The following SPTLC3 variants were observed in gnomAD, a reference collection of about 807,000 sequenced individuals.
SPTLC3 encodes serine palmitoyltransferase 3.
In SPTLC3, 36 loss-of-function variants were observed where a neutral mutation model predicts 59.3. The observed-to-expected ratio is 0.61, with a 90% CI of 0.47 to 0.80. SPTLC3 has a LOEUF of 0.80. SPTLC3 is among the 30% of genes least tolerant of loss of function. The probability of loss-of-function intolerance (pLI) is 0.00; values close to 1 mark genes in which losing one functional copy is unlikely to be tolerated. For synonymous variants in SPTLC3, 257 were observed against 240.8 expected (o/e 1.07, Z -0.62); for missense variants, 625 against 685.1 (o/e 0.91, Z 0.98).
intron 1 of SPTLC3, among the ~76,000 whole-genome samples, chr20:13,046,320 G>A (rs1600228546): frequency 6.6e-6 from 1 of 152,130 alleles, no homozygotes; most frequent in South Asian, 2.1e-4. Context: ...ATTTATGCAG[G>A]CAATCACCAC....
chr20:13,071,469 T>G (rs763271872), intron 2 of SPTLC3, among the ~76,000 whole-genome samples: 1 of 152,220 alleles, frequency 6.6e-6, no homozygotes, highest in African/African-American at 2.4e-5. Context: ...GATTTTGATG[T>G]TAGTTCTATT....
At chr20:13,120,559 G>A (rs1990846108) in intron 8 of SPTLC3, among the ~76,000 whole-genome samples, 1 of 152,108 alleles carries the variant, frequency 6.6e-6, no homozygotes, top group Admixed American at 6.5e-5. Flanking sequence ...GGTATAGAGG[G>A]GCTGCATTCC....
At chr20:13,116,071 C>T (rs898162776) in intron 7 of SPTLC3, among the ~76,000 whole-genome samples, 4 of 152,130 alleles carry the variant, frequency 2.6e-5, no homozygotes, top group Non-Finnish European at 5.9e-5. Context: ...AATCTGAACT[C>T]GGCCATCCAA....
At chr20:13,132,246 G>A (rs896260796) in intron 9 of SPTLC3, among the ~76,000 whole-genome samples, 6 of 142,070 alleles carry the variant, frequency 4.2e-5, no homozygotes, top group Admixed American at 2.3e-4. Context: ...GTGCCATCTC[G>A]GCTCACTGCA....
chr20:13,022,907 G>A (rs148469865), intron 1 of SPTLC3, among the ~76,000 whole-genome samples: 8 of 152,000 alleles, frequency 5.3e-5, no homozygotes, highest in Non-Finnish European at 8.8e-5. Context: ...TACTTACCAC[G>A]ACCATAAGGC....
intron 9 of SPTLC3, among the ~76,000 whole-genome samples, chr20:13,145,602 A>G (rs989709776): frequency 6.6e-6 from 1 of 152,216 alleles, no homozygotes; most frequent in Non-Finnish European, 1.5e-5. Flanking sequence ...CCATCAAACT[A>G]CCAATGACAT....
chr20:13,126,563 CT>C, intron 8 of SPTLC3, 27 bp from the exon 9 acceptor site: 2 of 1,611,872 alleles, frequency 1.2e-6, no homozygotes, highest in South Asian at 1.1e-5. Flanking sequence ...TATTTGCCTT[CT>C]TTTTGGGTTT....
intron 2 of SPTLC3, among the ~76,000 whole-genome samples, chr20:13,068,596 A>C (rs1568586799): frequency 6.6e-6 from 1 of 152,172 alleles, no homozygotes; most frequent in African/African-American, 2.4e-5. Context: ...GGCCACGCCC[A>C]AAAGCAAGTC....
intron 4 of SPTLC3, among the ~76,000 whole-genome samples, chr20:13,088,590 T>C (rs879408582): frequency 6.6e-6 from 1 of 152,036 alleles, no homozygotes; most frequent in Non-Finnish European, 1.5e-5. Flanking sequence ...CCCAAAGTGC[T>C]GGGATTATAG....
chr20:13,070,194 C>A (rs6033610), intron 2 of SPTLC3, among the ~76,000 whole-genome samples: 1 of 152,028 alleles, frequency 6.6e-6, no homozygotes, highest in Non-Finnish European at 1.5e-5. Context: ...ATAACAAAAC[C>A]TACATCACAG....
chr20:13,080,905 A>G (rs572983575), intron 4 of SPTLC3, among the ~76,000 whole-genome samples: 160 of 152,316 alleles, frequency 1.1e-3, no homozygotes, highest in African/African-American at 3.7e-3. Flanking sequence ...ACATTCAGAA[A>G]TTGATTAAAT....
intron 1 of SPTLC3, among the ~76,000 whole-genome samples, chr20:13,020,408 C>A (rs967062458): frequency 6.6e-6 from 1 of 151,616 alleles, no homozygotes; most frequent in Non-Finnish European, 1.5e-5. Flanking sequence ...GCATCTGTAG[C>A]CTTAGCTATC....
chr20:13,093,826 C>T (rs1568598672), intron 6 of SPTLC3, among the ~76,000 whole-genome samples: 1 of 152,120 alleles, frequency 6.6e-6, no homozygotes, highest in Non-Finnish European at 1.5e-5. Flanking sequence ...TGCAATGTGG[C>T]CTCTAAATAC....
At chr20:13,155,050 G>C (rs1195776381) in intron 10 of SPTLC3, among the ~76,000 whole-genome samples, 1 of 151,944 alleles carries the variant, frequency 6.6e-6, no homozygotes, top group Non-Finnish European at 1.5e-5. Flanking sequence ...GCATGGTGGT[G>C]CATGCCTGTA....
chr20:13,126,837 C>A, intron 9 of SPTLC3, 120 bp downstream of exon 9: 1 of 1,357,370 alleles, frequency 7.4e-7, no homozygotes, highest in South Asian at 1.7e-5. Context: ...TAAATCAAGC[C>A]ATGTGATAAA....
rs766367401 is a variant in SPTLC3 at position 13,074,485 on chromosome 20, A to G, written c.595A>G (p.Arg199Gly). ...GTATGGCACAGGCGTGGCCAGCACC[A>G]GGCATGAAATGGGTATGTACATTCA... ...EVYGTGVAST[R>G]HEMGTLDKHK... Residue 199 changes from arginine to glycine, a missense_variant, in exon 4 of 12, where the codon AGG becomes GGG. Coordinates refer to ENST00000399002, the MANE Select transcript of SPTLC3 (RefSeq NM_018327.4). 1 of 1,613,430 alleles carries G rather than the reference A, an allele frequency of 6.2e-7. No homozygotes were observed. Among genetic ancestry groups the G allele is most frequent in the South Asian group, 1.1e-5 (1 of 90,922 alleles).
intron 1 of SPTLC3, among the ~76,000 whole-genome samples, chr20:13,015,570 C>A (rs1287879834): frequency 6.6e-6 from 1 of 152,080 alleles, no homozygotes; most frequent in Non-Finnish European, 1.5e-5. Context: ...TTAATTCTGC[C>A]TAAGTTAACC....
At chr20:13,010,718 C>G (rs765014041) in intron 1 of SPTLC3, among the ~76,000 whole-genome samples, 4 of 152,210 alleles carry the variant, frequency 2.6e-5, no homozygotes, top group African/African-American at 4.8e-5. Flanking sequence ...ATCCTTGCCT[C>G]TGGAATGCCT....
chr20:13,105,267 G>T (rs1012357233), intron 6 of SPTLC3, among the ~76,000 whole-genome samples: 3 of 149,576 alleles, frequency 2.0e-5, no homozygotes, highest in Non-Finnish European at 4.5e-5. Context: ...CCTGCAGGAG[G>T]AAAAAAAAAA....
Sources: gnomAD v4.1 joint callset for allele counts (sites outside exome capture counted in the v4.1 genomes callset) on GRCh38, gnomAD v4.1.1 for gene constraint, MANE v1.5 for transcripts, NCBI Gene and HGNC (gene_info 2026-07-23, HGNC 2026-07-21) for gene names.